The following ZSWIM5 variants were observed in gnomAD, a reference collection of about 807,000 sequenced individuals.
ZSWIM5 encodes the protein zinc finger SWIM-type containing 5, also known as zinc finger SWIM domain-containing protein 5.
In ZSWIM5, 55 loss-of-function variants were observed where a neutral mutation model predicts 119.6. The ratio of observed to expected loss-of-function variants is 0.46; its 90% confidence interval spans 0.37 to 0.58. The LOEUF (loss-of-function observed/expected upper bound fraction) is 0.58. ZSWIM5 is among the 20% of genes least tolerant of loss of function. The pLI, the probability that ZSWIM5 is intolerant of heterozygous loss-of-function variation, is 0.00. For missense variants in ZSWIM5, 1,193 were observed against 1,512.8 expected, an observed-to-expected ratio of 0.79 and a Z score of 3.51; for synonymous variants, 537 against 606.9, an observed-to-expected ratio of 0.88 and a Z score of 1.69.
At chr1:45,144,177 C>A (rs961340804) in intron 1 of ZSWIM5, among the ~76,000 whole-genome samples, 4 of 151,860 alleles carry the variant, frequency 2.6e-5, no homozygotes, top group Admixed American at 1.3e-4. Context: ...ACTGGAAGAG[C>A]TAAAATAATT....
At chr1:45,090,318 C>A (rs1645357579) in intron 1 of ZSWIM5, among the ~76,000 whole-genome samples, 1 of 152,104 alleles carries the variant, frequency 6.6e-6, no homozygotes, top group African/African-American at 2.4e-5. Context: ...TTGGTTAAAC[C>A]CCACAGAGGT....
At position 45,088,074 on chromosome 1, in the gene ZSWIM5, G is replaced by A. The variant is rs1645342414; in HGVS notation, c.759C>T (p.Leu253=). ...FYCAHVVALS[L]YRIRKPDQVK... The stretch of plus-strand genomic sequence containing the variant: ...CTTGGTCTGGTTTACGGATCCTGTA[G>A]AGTGAGAGTGCTACCACATGGGCAC... The change falls in exon 2 of 14, where the codon CTC becomes CTT. Residue 253 remains leucine, a synonymous_variant. Transcript: ENST00000359600. This position sits in a 1 kb window ranked among gnomAD's most constrained non-coding sequence, Gnocchi z 4.2. The A allele has an allele frequency of 1.2e-6, 2 of 1,614,228 alleles. No individual in the cohort carries two copies. The highest frequency in any genetic ancestry group is 2.2e-5 in the South Asian group (2 of 91,090).
chr1:45,160,889 T>G lies in ZSWIM5; in HGVS notation c.595+44867A>C, dbSNP rs1645859758. Among the ~76,000 whole-genome samples, 3 of 149,620 alleles carry G rather than the reference T, an allele frequency of 2.0e-5. No individual in the cohort carries two copies. The South Asian group carries it at 6.4e-4, about 32-fold the overall frequency. ...CAGGCTGGAGTGCAGTGGCAAGATC[T>G]CAGCTCACTGCAAGCTCCGCCTCCC... On this transcript the variant is annotated intron_variant, in intron 1 of 13. Coordinates refer to ENST00000359600, the MANE Select transcript of ZSWIM5 (RefSeq NM_020883.2).
chr1:45,149,395 T>C (rs896626862), intron 1 of ZSWIM5, among the ~76,000 whole-genome samples: 8 of 152,206 alleles, frequency 5.3e-5, no homozygotes, highest in African/African-American at 1.9e-4. Context: ...CAACTGAATA[T>C]ACAATTTAGC....
intron 1 of ZSWIM5, among the ~76,000 whole-genome samples, chr1:45,193,951 T>TATATATATATATATATATATATATATAC (rs1646107562): frequency 6.6e-6 from 1 of 151,808 alleles, no homozygotes; most frequent in African/African-American, 2.4e-5. Context: ...TATATATATA[T>TATATATATATATATATATATATATATAC]ATATACATAC....
At chr1:45,156,575 T>A (rs1220360184) in intron 1 of ZSWIM5, among the ~76,000 whole-genome samples, 1 of 151,854 alleles carries the variant, frequency 6.6e-6, no homozygotes, top group East Asian at 1.9e-4. Flanking sequence ...GGAGGAGGAC[T>A]TTGATGGGAA....
chr1:45,201,040 C>T (rs577285493), intron 1 of ZSWIM5, among the ~76,000 whole-genome samples: 3 of 152,134 alleles, frequency 2.0e-5, no homozygotes, highest in Admixed American at 6.5e-5. Flanking sequence ...CCAATATGAC[C>T]GGTGTCCTTA....
chr1:45,194,253 C>G (rs1646109210), intron 1 of ZSWIM5, among the ~76,000 whole-genome samples: 1 of 152,138 alleles, frequency 6.6e-6, no homozygotes. Flanking sequence ...ATGTAATTAT[C>G]TCCAAGGCTT....
At chr1:45,191,865 C>T (rs1646095128) in intron 1 of ZSWIM5, among the ~76,000 whole-genome samples, 1 of 152,192 alleles carries the variant, frequency 6.6e-6, no homozygotes, top group Non-Finnish European at 1.5e-5. Context: ...ATAATTCATA[C>T]ATAATAGAGC....
chr1:45,055,005 T>C (rs1645112844), intron 4 of ZSWIM5, among the ~76,000 whole-genome samples: 1 of 152,022 alleles, frequency 6.6e-6, no homozygotes, highest in South Asian at 2.1e-4. Flanking sequence ...TTTTGTATTT[T>C]TTTTAAGATG....
At chr1:45,045,413 G>A (rs943699580) in intron 5 of ZSWIM5, among the ~76,000 whole-genome samples, 1 of 152,168 alleles carries the variant, frequency 6.6e-6, no homozygotes, top group Non-Finnish European at 1.5e-5. Context: ...AATTCATACT[G>A]AATATGAAAG....
intron 2 of ZSWIM5, among the ~76,000 whole-genome samples, chr1:45,065,177 A>T (rs549686985): frequency 6.6e-6 from 1 of 152,338 alleles, no homozygotes; most frequent in African/African-American, 2.4e-5. Context: ...ATCCATAGAG[A>T]TAAAACTGAG....
intron 1 of ZSWIM5, among the ~76,000 whole-genome samples, chr1:45,157,489 G>T (rs1051744249): frequency 2.6e-5 from 4 of 152,082 alleles, no homozygotes; most frequent in African/African-American, 9.7e-5. Flanking sequence ...AATTATTTTT[G>T]AGATACATTC....
At chr1:45,069,426 C>T (rs1425884186) in intron 2 of ZSWIM5, among the ~76,000 whole-genome samples, 2 of 103,576 alleles carry the variant, frequency 1.9e-5, no homozygotes, top group South Asian at 6.1e-4. Context: ...ACTCCGTCTC[C>T]AAAAAAAAAA....
intron 1 of ZSWIM5, among the ~76,000 whole-genome samples, chr1:45,122,115 T>TA (rs1645596675): frequency 6.6e-6 from 1 of 152,186 alleles, no homozygotes; most frequent in South Asian, 2.1e-4. Context: ...TAGTTTTAAA[T>TA]AATATCAGTA....
intron 6 of ZSWIM5, among the ~76,000 whole-genome samples, chr1:45,042,985 C>T (rs1454324845): frequency 6.6e-6 from 1 of 152,202 alleles, no homozygotes; most frequent in South Asian, 2.1e-4. Flanking sequence ...CTTTCACCCC[C>T]TCAAAACTTA....
At chr1:45,134,207 G>A (rs1019018655) in intron 1 of ZSWIM5, among the ~76,000 whole-genome samples, 1 of 152,024 alleles carries the variant, frequency 6.6e-6, no homozygotes, top group Non-Finnish European at 1.5e-5. Context: ...TGGGCAGTAT[G>A]GCCATTTTCA....
chr1:45,129,144 A>G (rs1278020039), intron 1 of ZSWIM5, among the ~76,000 whole-genome samples: 1 of 142,706 alleles, frequency 7.0e-6, no homozygotes, highest in Non-Finnish European at 1.5e-5. Flanking sequence ...TTTTCCTCAC[A>G]TACATCTTGT....
At chr1:45,131,718 C>T (rs1483418427) in intron 1 of ZSWIM5, among the ~76,000 whole-genome samples, 2 of 114,746 alleles carry the variant, frequency 1.7e-5, no homozygotes, top group Non-Finnish European at 3.3e-5. Context: ...AAGCAAGACT[C>T]TGTCTCAAAA....
Sources: allele counts gnomAD v4.1 joint callset (sites outside exome capture counted in the v4.1 genomes callset), GRCh38; gene constraint gnomAD v4.1.1; non-coding constraint Gnocchi (gnomAD v3.1); transcripts MANE v1.5; gene names NCBI Gene and HGNC (gene_info 2026-07-23, HGNC 2026-07-21).